The following MORC1 variants were observed in gnomAD, a reference collection of about 807,000 sequenced individuals.
MORC1 encodes the protein MORC family CW-type zinc finger 1, also known as MORC family CW-type zinc finger protein 1.
In MORC1, 59 loss-of-function variants were observed where a neutral mutation model predicts 134.9. That is an observed-to-expected ratio of 0.44 (90% CI 0.35 to 0.54). The LOEUF (loss-of-function observed/expected upper bound fraction) is 0.54, where lower values mean the gene tolerates loss of function less well. MORC1 is among the 20% of genes least tolerant of loss of function. The pLI is 0.00. For synonymous variants in MORC1, 395 were observed against 391.7 expected (o/e 1.01, Z -0.10); for missense variants, 947 against 1,134.5 (o/e 0.83, Z 2.37).
intron 21 of MORC1, among the ~76,000 whole-genome samples, chr3:108,990,933 G>A (rs1239081072): frequency 6.7e-6 from 1 of 148,984 alleles, no homozygotes; most frequent in African/African-American, 2.6e-5. Context: ...TCTCTCAACT[G>A]TATTATTTTT....
At chr3:109,014,000 G>A (rs1267712049) in intron 17 of MORC1, among the ~76,000 whole-genome samples, 2 of 152,092 alleles carry the variant, frequency 1.3e-5, no homozygotes, top group African/African-American at 4.8e-5. Flanking sequence ...CTAGAACTGT[G>A]AGAAATAAAT....
chr3:109,021,282 T>G (rs1231949220), intron 17 of MORC1, among the ~76,000 whole-genome samples: 1 of 152,134 alleles, frequency 6.6e-6, no homozygotes, highest in African/African-American at 2.4e-5. Flanking sequence ...TTTTGTAGGG[T>G]AGAGATCAAA....
chr3:109,000,125 T>C (rs972948114), intron 21 of MORC1, among the ~76,000 whole-genome samples: 3 of 152,214 alleles, frequency 2.0e-5, no homozygotes, highest in East Asian at 1.9e-4. Flanking sequence ...CCAATAATCC[T>C]TGAATACACT....
At chr3:109,064,941 T>C (rs1390898917) in intron 9 of MORC1, among the ~76,000 whole-genome samples, 1 of 152,184 alleles carries the variant, frequency 6.6e-6, no homozygotes, top group Non-Finnish European at 1.5e-5. Flanking sequence ...GAAGATTTTG[T>C]TCAGGATAAA....
chr3:108,987,126 A>G (rs1432370445), intron 21 of MORC1, among the ~76,000 whole-genome samples, 177 bp from the exon 22 acceptor site: 1 of 152,230 alleles, frequency 6.6e-6, no homozygotes, highest in African/African-American at 2.4e-5. Context: ...CGATAATCGC[A>G]TAAATCTCAA....
chr3:108,994,076 G>A lies in MORC1; in HGVS notation c.2187+6481C>T, dbSNP rs553589604. ...CCTCTTTTGAAAGCTTCCCCAAAGA[G>A]CTGACCAGGTACAACTGGTAAATGA... On this transcript the variant is annotated intron_variant, in intron 21 of 27. Transcript: ENST00000232603. Among the ~76,000 whole-genome samples the A allele has an allele frequency of 3.3e-5, 5 of 152,204 alleles. No individual in the cohort carries two copies. The South Asian group carries it at 1.0e-3, about 32-fold the overall frequency.
chr3:109,104,998 C>T (rs937689827), intron 3 of MORC1, among the ~76,000 whole-genome samples: 2 of 152,174 alleles, frequency 1.3e-5, no homozygotes, highest in Non-Finnish European at 2.9e-5. Context: ...CGTCCCATCA[C>T]CCTCACCTTA....
intron 1 of MORC1, among the ~76,000 whole-genome samples, chr3:109,114,950 T>C (rs1951238998): frequency 6.6e-6 from 1 of 152,216 alleles, no homozygotes; most frequent in African/African-American, 2.4e-5. Flanking sequence ...GCCTGCTCCT[T>C]ACATAACCTT....
At chr3:109,101,889 G>A (rs1008480799) in intron 4 of MORC1, among the ~76,000 whole-genome samples, 2 of 152,100 alleles carry the variant, frequency 1.3e-5, no homozygotes, top group Non-Finnish European at 2.9e-5. Flanking sequence ...TCTAAGTCTT[G>A]GTACAGACAT....
chr3:109,013,679 C>T (rs1948750913), intron 17 of MORC1, among the ~76,000 whole-genome samples: 1 of 152,118 alleles, frequency 6.6e-6, no homozygotes, highest in Admixed American at 6.5e-5. Flanking sequence ...ATCTTGATTG[C>T]TTTGAGCAGC....
chr3:109,035,430 A>G lies in MORC1; in HGVS notation c.1369T>C (p.Tyr457His), dbSNP rs756229348. 1 of 1,525,520 alleles carries G rather than the reference A, an allele frequency of 6.6e-7. No individual in the cohort carries two copies. Among genetic ancestry groups the G allele is most frequent in the Admixed American group, 1.9e-5 (1 of 53,936 alleles). 94.5% of individuals were successfully genotyped at this position (1,525,520 alleles called of 1,614,324 possible). A position where few individuals can be genotyped will look rare whatever the true frequency, so the allele number is the denominator to read the frequency against. The change falls in exon 15 of 28, where the codon TAC (tyrosine) becomes CAC (histidine). Residue 457 changes from tyrosine to histidine, a missense_variant. Tyr to His is a moderately conservative substitution (Grantham distance 83). This residue lies in a region of MORC1 where 722 missense variants were observed against 817.0 expected (regional missense o/e 0.88). Transcript: ENST00000232603. ...TTCTCCACATCGATGTCATTCTGGTATCCAAATTCATTGCAAAACAATGTT... is the reference window on the plus strand; with the variant it reads ...TTCTCCACATCGATGTCATTCTGGTGTCCAAATTCATTGCAAAACAATGTT... ...NLTLFCNEFGYQNDIDVEKPL... is the reference protein window; with the variant it reads ...NLTLFCNEFGHQNDIDVEKPL...
intron 2 of MORC1, among the ~76,000 whole-genome samples, chr3:109,111,065 A>C (rs67579268): frequency 3.3e-4 from 48 of 147,140 alleles, no homozygotes; most frequent in African/African-American, 1.1e-3. Context: ...AAAAAAAAAA[A>C]AAACAAAAAA....
intron 14 of MORC1, among the ~76,000 whole-genome samples, chr3:109,052,612 GA>G (rs1220006927): frequency 2.6e-5 from 4 of 152,138 alleles, no homozygotes; most frequent in Non-Finnish European, 5.9e-5. Context: ...TTGCTGGTGA[GA>G]AAGTTTTAGG....
intron 1 of MORC1, among the ~76,000 whole-genome samples, chr3:109,116,598 C>G (rs1275325785): frequency 6.6e-6 from 1 of 152,022 alleles, no homozygotes; most frequent in Non-Finnish European, 1.5e-5. Context: ...TAGCCAGACC[C>G]CATCTCTACT....
chr3:109,103,934 T>C lies in MORC1; in HGVS notation c.155-17A>G, dbSNP rs1159911046. 1.2e-6 allele frequency: 2 copies of C among 1,604,718 alleles called. No homozygotes were observed. Among genetic ancestry groups the C allele is most frequent in the Non-Finnish European group, 1.7e-6 (2 of 1,171,856 alleles). On this transcript the variant is annotated splice_polypyrimidine_tract_variant and intron_variant, in intron 3 of 27. Coordinates refer to ENST00000232603, the MANE Select transcript of MORC1 (RefSeq NM_014429.4). ...CATTATCCACTGTAAGAGAAAGCAG[T>C]TATTACTAATAAATATCGGGCTTAA...
chr3:109,113,463 G>A (rs1441661276), intron 2 of MORC1, among the ~76,000 whole-genome samples: 1 of 151,876 alleles, frequency 6.6e-6, no homozygotes, highest in Non-Finnish European at 1.5e-5. Context: ...CCCATCTAAG[G>A]CAAAAAATGG....
chr3:109,117,331 C>CA (rs202128565), intron 1 of MORC1, among the ~76,000 whole-genome samples: 3,505 of 113,478 alleles, frequency 0.031, 52 homozygotes, highest in Middle Eastern at 0.12. Context: ...CAAAAGATGT[C>CA]AAAAAAAAAA....
chr3:108,999,009 T>C (rs750985218), intron 21 of MORC1, among the ~76,000 whole-genome samples: 11 of 152,194 alleles, frequency 7.2e-5, no homozygotes, highest in Non-Finnish European at 1.3e-4. Context: ...ACACAGACTT[T>C]GAAACTTCTG....
At position 109,063,766 on chromosome 3, in the gene MORC1, C is replaced by T. The variant is rs982872683; in HGVS notation, c.816-535G>A. On this transcript the variant is annotated intron_variant, in intron 9 of 27. Coordinates refer to ENST00000232603, the MANE Select transcript of MORC1 (RefSeq NM_014429.4). Reference sequence around the variant, plus strand: ...TAGTGATGGCAAAGATGCTCTAGAACAATAAAGGAAAAAAATATACATACA... The same window carrying T: ...TAGTGATGGCAAAGATGCTCTAGAATAATAAAGGAAAAAAATATACATACA... Among the ~76,000 whole-genome samples the T allele has an allele frequency of 7.2e-5, 11 of 151,930 alleles. No individual in the cohort carries two copies. In the South Asian group the frequency reaches 2.1e-3, roughly 29 times the overall value.
Sources: allele counts gnomAD v4.1 joint callset (sites outside exome capture counted in the v4.1 genomes callset), GRCh38; gene constraint gnomAD v4.1.1; regional missense constraint gnomAD v4.1.1; transcripts MANE v1.5; gene names NCBI Gene and HGNC (gene_info 2026-07-23, HGNC 2026-07-21).